The following TP53INP2 variants were observed in gnomAD, a reference collection of about 807,000 sequenced individuals.
The protein encoded by TP53INP2 is tumor protein p53 inducible nuclear protein 2.
A neutral mutation model predicts 17.1 loss-of-function variants in TP53INP2; 12 were observed. The ratio of observed to expected loss-of-function variants is 0.70; its 90% CI spans 0.45 to 1.14. TP53INP2 has a LOEUF of 1.14. Ranked by LOEUF, TP53INP2 falls within the 50% of genes most tolerant of loss-of-function variation. TP53INP2 has a pLI of 0.00. For synonymous variants in TP53INP2, 145 were observed against 147.3 expected, an observed-to-expected ratio of 0.98 and a Z score of 0.12; for missense variants, 342 against 330.9, an observed-to-expected ratio of 1.03 and a Z score of -0.26.
Position 34,709,007 on chromosome 20 carries a change from G to C in TP53INP2, c.124+144G>C, listed in dbSNP as rs1470120402. ...GGTCACGGGGCCCCTTCCCATGAAA[G>C]CCGGGGCTCTCTCCTGGCGGCCCAG... On this transcript the variant is annotated intron_variant, in intron 3 of 4. Transcript: ENST00000374810. The surrounding 1 kb of genome is among the most constrained non-coding windows in gnomAD (Gnocchi z 5.4). 4.2e-6 allele frequency: 6 copies of C among 1,417,906 alleles called. No homozygotes were observed. Among genetic ancestry groups the C allele is most frequent in the African/African-American group, 2.9e-5 (2 of 69,728 alleles). The allele number at this position is 1,417,906 out of a possible 1,614,324, so 87.8% of individuals were successfully genotyped here. A position where few individuals can be genotyped will look rare whatever the true frequency, so the allele number is the denominator to read the frequency against.
rs1988182507 is a variant in TP53INP2, at chr20:34,711,124, C to T, written c.*817C>T. 1 of 152,478 alleles carries T rather than the reference C, an allele frequency of 6.6e-6. No homozygotes were observed. The highest frequency in any genetic ancestry group is 1.5e-5 in the Non-Finnish European group (1 of 68,176). The allele number at this position is 152,478 out of a possible 1,614,324, so 9.4% of individuals were successfully genotyped here. Reference sequence around the variant, plus strand: ...GCCAAACCCTGCTCCCAGGCTGAAGCCTGGAGTCTGCCCCCACTTCCCTTT... The same window carrying T: ...GCCAAACCCTGCTCCCAGGCTGAAGTCTGGAGTCTGCCCCCACTTCCCTTT... On this transcript the variant is annotated 3_prime_UTR_variant, in exon 5 of 5. Coordinates refer to ENST00000374810, the MANE Select transcript of TP53INP2 (RefSeq NM_021202.3). The surrounding 1 kb of genome is among the most constrained non-coding windows in gnomAD (Gnocchi z 4.1).
chr20:34,709,507 C>G lies in TP53INP2; in HGVS notation c.396C>G (p.Asp132Glu). ...PSPLPDAALP[D>E]GDLSEGELTP... ...CGCTCCCGGACGCGGCCCTGCCTGA[C>G]GGCGACCTCAGCGAAGGGTGAGCGG... The change falls in exon 4 of 5, where the codon GAC becomes GAG. Residue 132 changes from aspartate to glutamate, a missense_variant. By Grantham distance (45) the Asp-to-Glu change is conservative (BLOSUM62 2). Transcript: ENST00000374810. This position sits in a 1 kb window ranked among gnomAD's most constrained non-coding sequence, Gnocchi z 5.4. 5 of 1,608,790 alleles carry G rather than the reference C, an allele frequency of 3.1e-6. No individual in the cohort carries two copies. Among genetic ancestry groups the G allele is most frequent in the Non-Finnish European group, 3.4e-6 (4 of 1,179,642 alleles).
In TP53INP2 at chr20:34,709,582, G is replaced by A. The variant is rs1423167337; in HGVS notation, c.413+58G>A. ...AGGGAGACGGATCTTGGAGGCCAGG[G>A]TCCAGGCTAGGAGGCTGGGGTAGTG... is the stretch of plus-strand genomic sequence containing the variant. On this transcript the variant is annotated intron_variant, in intron 4 of 4. Transcript: ENST00000374810. This position sits in a 1 kb window ranked among gnomAD's most constrained non-coding sequence, Gnocchi z 5.4. 8.5e-6 allele frequency: 13 copies of A among 1,537,316 alleles called. No individual in the cohort carries two copies. The highest frequency in any genetic ancestry group is 1.2e-5 in the South Asian group (1 of 82,742).
At position 34,708,782 on chromosome 20, in the gene TP53INP2, C is replaced by G; in HGVS notation, c.43C>G (p.Pro15Ala). Reference protein sequence around the residue: ...LSSLFFSTPSPPEDPDCPRAF... With the variant: ...LSSLFFSTPSAPEDPDCPRAF... ...CAGCCTCTTCTTCAGCACCCCCTCGCCCCCCGAAGACCCCGACTGCCCCCG... is the reference window on the plus strand; with the variant it reads ...CAGCCTCTTCTTCAGCACCCCCTCGGCCCCCGAAGACCCCGACTGCCCCCG... The change falls in exon 3 of 5, where the codon CCC becomes GCC. Residue 15 changes from proline to alanine, a missense_variant. Pro to Ala is a conservative substitution (Grantham distance 27). Coordinates refer to ENST00000374810, the MANE Select transcript of TP53INP2 (RefSeq NM_021202.3). 1 of 1,606,218 alleles carries G rather than the reference C, an allele frequency of 6.2e-7. No individual in the cohort carries two copies. Among genetic ancestry groups the G allele is most frequent in the Non-Finnish European group, 8.5e-7 (1 of 1,176,316 alleles).
intron 2 of TP53INP2, among the ~76,000 whole-genome samples, chr20:34,708,070 TATAATG>T (rs924812143): frequency 6.6e-6 from 1 of 152,140 alleles, no homozygotes; most frequent in African/African-American, 2.4e-5. Context: ...CTAGCTATAT[TATAATG>T]ATAACAAGCA....
rs1349694569 is a variant in TP53INP2, at chr20:34,709,863, C to T, written c.414-195C>T. On this transcript the variant is annotated intron_variant, in intron 4 of 4. Coordinates refer to ENST00000374810, the MANE Select transcript of TP53INP2 (RefSeq NM_021202.3). This position sits in a 1 kb window ranked among gnomAD's most constrained non-coding sequence, Gnocchi z 5.4. ...GAATAGGGGGTGGGGGTCCAGTCTC[C>T]CCCGAGGTCCAGTTTACCTGTTAAG... 1.3e-5 allele frequency among the ~76,000 whole-genome samples: 2 copies of T among 152,094 alleles called. No homozygotes were observed. Among genetic ancestry groups the T allele is most frequent in the African/African-American group, 4.8e-5 (2 of 41,396 alleles).
At chr20:34,708,993 C>T in intron 3 of TP53INP2, 130 bp downstream of exon 3, 1 of 1,444,338 alleles carries the variant, frequency 6.9e-7, no homozygotes, top group Non-Finnish European at 9.2e-7. Flanking sequence ...GTCACGGGGC[C>T]CCTTCCCATG....
chr20:34,708,714 C>T lies in TP53INP2; in HGVS notation c.-26C>T, dbSNP rs1988057730. The stretch of plus-strand genomic sequence containing the variant: ...AGGTTTTTGCACTGCCATAGGGCGC[C>T]CCCGTGAGGCGCTTCGCCCCCCACC... On this transcript the variant is annotated 5_prime_UTR_variant, in exon 3 of 5. Coordinates refer to ENST00000374810, the MANE Select transcript of TP53INP2 (RefSeq NM_021202.3). 1 of 1,558,370 alleles carries T rather than the reference C, an allele frequency of 6.4e-7. No homozygotes were observed. The highest frequency in any genetic ancestry group is 8.7e-7 in the Non-Finnish European group (1 of 1,153,768).
At position 34,711,828 on chromosome 20, in the gene TP53INP2, A is replaced by C. The variant is rs1331363049; in HGVS notation, c.*1521A>C. On this transcript the variant is annotated 3_prime_UTR_variant, in exon 5 of 5. Coordinates refer to ENST00000374810, the MANE Select transcript of TP53INP2 (RefSeq NM_021202.3). This position sits in a 1 kb window ranked among gnomAD's most constrained non-coding sequence, Gnocchi z 4.1. ...AGCCGTCCTTTTCTAGTGTGTGCTC[A>C]CTCTTCCTAGGAACTTTTAAGACTT... 3 of 152,092 alleles carry C rather than the reference A, an allele frequency of 2.0e-5. No individual in the cohort carries two copies. The highest frequency in any genetic ancestry group is 7.3e-5 in the African/African-American group (3 of 41,216). The allele number at this position is 152,092 out of a possible 1,614,324, so 9.4% of individuals were successfully genotyped here. A position where few individuals can be genotyped will look rare whatever the true frequency, so the allele number is the denominator to read the frequency against.
chr20:34,708,944 TG>T, intron 3 of TP53INP2, 81 bp downstream of exon 3: 2 of 1,554,280 alleles, frequency 1.3e-6, no homozygotes, highest in South Asian at 1.2e-5. Context: ...AGGGCGCTGC[TG>T]GGGGACGGGG....
Position 34,710,107 on chromosome 20 carries a change from C to A in TP53INP2, c.463C>A (p.Pro155Thr). The A allele has an allele frequency of 7.9e-7, 1 of 1,268,170 alleles. No homozygotes were observed. Among genetic ancestry groups the A allele is most frequent in the South Asian group, 3.0e-5 (1 of 33,730 alleles). The allele number at this position is 1,268,170 out of a possible 1,614,324, so 78.6% of individuals were successfully genotyped here. Reference sequence around the variant, plus strand: ...GCCGCGGGCCGCGCGCCACGCCGCTCCTCTCCCAGCGCGGGCGGCGCTGCT... The same window carrying A: ...GCCGCGGGCCGCGCGCCACGCCGCTACTCTCCCAGCGCGGGCGGCGCTGCT... The part of the protein sequence containing the change: ...REPRAARHAA[P>T]LPARAALLEK... Residue 155 changes from proline to threonine, a missense_variant, in exon 5 of 5, where the codon CCT becomes ACT. Pro to Thr is a conservative substitution (Grantham distance 38). Transcript: ENST00000374810. The surrounding 1 kb of genome is among the most constrained non-coding windows in gnomAD (Gnocchi z 4.9).
chr20:34,706,009 C>A (rs944470704), intron 2 of TP53INP2, among the ~76,000 whole-genome samples: 10 of 152,126 alleles, frequency 6.6e-5, no homozygotes, highest in Non-Finnish European at 1.3e-4. Flanking sequence ...AGGCAGGGAG[C>A]TTTTCCCCTG....
At chr20:34,708,968 C>A in intron 3 of TP53INP2, 105 bp downstream of exon 3, 1 of 1,496,230 alleles carries the variant, frequency 6.7e-7, no homozygotes, top group Non-Finnish European at 8.9e-7. Flanking sequence ...GTCCCCCAAG[C>A]CTACTGGAGG....
rs2146829107 is a variant in TP53INP2 at position 34,710,239 on chromosome 20, CG to C, written c.596del (p.Arg199LeufsTer81). Reference protein sequence around the residue: ...VQRQNRARESRPRRSKNQSSF... With the variant: ...VQRQNRARESXPRRSKNQSSF... ...GCGGCAGAACCGAGCCCGCGAGAGCCGTCCGCGCCGGTCCAAGAACCAGAGC... is the reference window on the plus strand; with the variant it reads ...GCGGCAGAACCGAGCCCGCGAGAGCCTCCGCGCCGGTCCAAGAACCAGAGC... On this transcript the variant is annotated frameshift_variant, in exon 5 of 5. Coordinates refer to ENST00000374810, the MANE Select transcript of TP53INP2 (RefSeq NM_021202.3). LOFTEE classifies it high-confidence loss of function. This position sits in a 1 kb window ranked among gnomAD's most constrained non-coding sequence, Gnocchi z 4.9. The C allele has an allele frequency of 6.8e-7, 1 of 1,481,400 alleles. No individual in the cohort carries two copies. The highest frequency in any genetic ancestry group is 2.0e-5 in the Admixed American group (1 of 49,480). The allele number at this position is 1,481,400 out of a possible 1,614,324, so 91.8% of individuals were successfully genotyped here. A position where few individuals can be genotyped will look rare whatever the true frequency, so the allele number is the denominator to read the frequency against.
chr20:34,709,340 G>T lies in TP53INP2; in HGVS notation c.229G>T (p.Ala77Ser). The change falls in exon 4 of 5, where the codon GCC (alanine) becomes TCC (serine). Residue 77 changes from alanine (A) to serine (S), a missense_variant. Transcript: ENST00000374810. The surrounding 1 kb of genome is among the most constrained non-coding windows in gnomAD (Gnocchi z 5.4). The part of the protein sequence containing the change: ...MDESWFVTPP[A>S]CFTAEGPGLG... ...CGAGAGCTGGTTTGTTACCCCTCCC[G>T]CCTGTTTTACGGCAGAGGGGCCTGG... is the stretch of plus-strand genomic sequence containing the variant. 1 of 1,613,522 alleles carries T rather than the reference G, an allele frequency of 6.2e-7. No homozygotes were observed. Among genetic ancestry groups the T allele is most frequent in the Non-Finnish European group, 8.5e-7 (1 of 1,179,808 alleles).
At chr20:34,705,325 C>G (rs1445956923) in intron 1 of TP53INP2, 33 bp from the exon 2 acceptor site, 1 of 152,258 alleles carries the variant, frequency 6.6e-6, no homozygotes, top group Non-Finnish European at 1.5e-5. Flanking sequence ...TTGATAGGCT[C>G]CTAGGTGTCC....
Position 34,710,677 on chromosome 20 carries a change from T to G in TP53INP2, c.*370T>G. The G allele has an allele frequency of 2.2e-5, 4 of 182,510 alleles. No individual in the cohort carries two copies. Among genetic ancestry groups the G allele is most frequent in the Non-Finnish European group, 3.4e-5 (3 of 87,884 alleles). 11.3% of individuals were successfully genotyped at this position (182,510 alleles called of 1,614,324 possible). ...TTCTTCCAGTCCCTGATCTGGCTCA[T>G]TCCCCACCTTCAACTCCCACCTTAC... On this transcript the variant is annotated 3_prime_UTR_variant, in exon 5 of 5. Coordinates refer to ENST00000374810, the MANE Select transcript of TP53INP2 (RefSeq NM_021202.3). The surrounding 1 kb of genome is among the most constrained non-coding windows in gnomAD (Gnocchi z 4.9).
chr20:34,705,214 A>G (rs1233257772), intron 1 of TP53INP2, 144 bp from the exon 2 acceptor site: 1 of 152,242 alleles, frequency 6.6e-6, no homozygotes, highest in Non-Finnish European at 1.5e-5. Flanking sequence ...CAGATGGATT[A>G]TTAGCCAGGG....
Position 34,709,665 on chromosome 20 carries a change from A to T in TP53INP2, c.413+141A>T. The T allele has an allele frequency of 7.0e-7, 1 of 1,431,134 alleles. No homozygotes were observed. The highest frequency in any genetic ancestry group is 9.1e-7 in the Non-Finnish European group (1 of 1,098,430). 88.7% of individuals were successfully genotyped at this position (1,431,134 alleles called of 1,614,324 possible). ...AGCGGCCTTGGGAGGGTTGCCTTTGAGACAAAGTGGGGGGCCGGTGGGCCT... is the reference window on the plus strand; with the variant it reads ...AGCGGCCTTGGGAGGGTTGCCTTTGTGACAAAGTGGGGGGCCGGTGGGCCT... On this transcript the variant is annotated intron_variant, in intron 4 of 4. Coordinates refer to ENST00000374810, the MANE Select transcript of TP53INP2 (RefSeq NM_021202.3). This position sits in a 1 kb window ranked among gnomAD's most constrained non-coding sequence, Gnocchi z 5.4.
Sources: gnomAD v4.1 joint callset for allele counts (sites outside exome capture counted in the v4.1 genomes callset) on GRCh38, gnomAD v4.1.1 for gene constraint, Gnocchi (gnomAD v3.1) non-coding constraint, MANE v1.5 for transcripts, NCBI Gene and HGNC (gene_info 2026-07-23, HGNC 2026-07-21) for gene names.